The following EIPR1 variants were observed in gnomAD, a reference collection of about 807,000 sequenced individuals.
EIPR1 encodes EARP and GARP complex-interacting protein 1.
A neutral mutation model predicts 48.1 loss-of-function variants in EIPR1; 25 were observed. The observed-to-expected ratio is 0.52, with a 90% CI of 0.38 to 0.73. EIPR1 has a LOEUF of 0.73. Among genes scored for constraint, EIPR1 ranks in the 30% least tolerant of loss-of-function variants. The pLI, the probability that EIPR1 is intolerant of heterozygous loss-of-function variation, is 0.00. For synonymous variants in EIPR1, 204 were observed against 201.9 expected (o/e 1.01, Z -0.09); for missense variants, 415 against 506.2 (o/e 0.82, Z 1.73).
In EIPR1 at chr2:3,244,197, T is replaced by C. The variant is rs138461811; in HGVS notation, c.416+13102A>G. Among the ~76,000 whole-genome samples, 557 of 152,326 alleles carry C rather than the reference T, an allele frequency of 3.7e-3. 3 individuals are homozygous for C. The highest frequency in any genetic ancestry group is 0.013 in the African/African-American group (529 of 41,578). ...TCTCAGCAAGTCCAAAGATAGCCTC[T>C]GAATCATAACACATTTCTAGGTAAA... is the stretch of plus-strand genomic sequence containing the variant. On this transcript the variant is annotated intron_variant, in intron 4 of 8. Coordinates refer to ENST00000382125, the MANE Select transcript of EIPR1 (RefSeq NM_003310.5).
intron 3 of EIPR1, among the ~76,000 whole-genome samples, chr2:3,278,103 G>A (rs1431491605): frequency 6.6e-6 from 1 of 152,082 alleles, no homozygotes; most frequent in Non-Finnish European, 1.5e-5. Context: ...ACTTCACCTG[G>A]TCCCACCACC....
At chr2:3,275,706 G>A (rs1667828097) in intron 3 of EIPR1, among the ~76,000 whole-genome samples, 1 of 152,020 alleles carries the variant, frequency 6.6e-6, no homozygotes. Flanking sequence ...TAAAAGATTA[G>A]GAAAAAGTTG....
At chr2:3,235,329 G>C (rs538314409) in intron 4 of EIPR1, among the ~76,000 whole-genome samples, 2 of 152,374 alleles carry the variant, frequency 1.3e-5, no homozygotes, top group South Asian at 4.1e-4. Context: ...TTCATCTGAA[G>C]AATAAGAGCT....
At chr2:3,318,264 T>C (rs976284008) in intron 3 of EIPR1, among the ~76,000 whole-genome samples, 4 of 152,296 alleles carry the variant, frequency 2.6e-5, no homozygotes, top group Non-Finnish European at 4.4e-5. Flanking sequence ...TTAATTCAAA[T>C]TGGGCTTTGT....
chr2:3,244,709 C>G (rs539650990), intron 4 of EIPR1, among the ~76,000 whole-genome samples: 1 of 152,180 alleles, frequency 6.6e-6, no homozygotes, highest in Non-Finnish European at 1.5e-5. Flanking sequence ...GCGCCTTGAT[C>G]GTGGACTTCC....
At chr2:3,220,684 GA>G (rs1224242744) in intron 4 of EIPR1, among the ~76,000 whole-genome samples, 2 of 151,802 alleles carry the variant, frequency 1.3e-5, no homozygotes, top group East Asian at 3.9e-4. Flanking sequence ...AGTGACTCAG[GA>G]ACACAAGCAC....
chr2:3,220,541 T>C (rs541392485), intron 4 of EIPR1, among the ~76,000 whole-genome samples: 4 of 151,938 alleles, frequency 2.6e-5, no homozygotes, highest in African/African-American at 4.8e-5. Context: ...ACAATGACCA[T>C]GGTACACTCT....
chr2:3,207,351 A>G (rs969077430), intron 5 of EIPR1, among the ~76,000 whole-genome samples: 3 of 152,340 alleles, frequency 2.0e-5, no homozygotes, highest in African/African-American at 4.8e-5. Flanking sequence ...CCCCAGCTGC[A>G]GGAGGACTCA....
At position 3,251,029 on chromosome 2, in the gene EIPR1, AAATAT is replaced by A. The variant is rs1436878629; in HGVS notation, c.416+6265_416+6269del. Among the ~76,000 whole-genome samples, 4 of 152,308 alleles carry A rather than the reference AAATAT, an allele frequency of 2.6e-5. No individual in the cohort carries two copies. The East Asian group carries it at 5.8e-4, about 22-fold the overall frequency. ...AGAGGCAGCTAACACACATAAAATA[AAATAT>A]AACAGTGTGAGATATACTGAAAAAT... On this transcript the variant is annotated intron_variant, in intron 4 of 8. Transcript: ENST00000382125.
At chr2:3,303,138 C>T (rs1419426202) in intron 3 of EIPR1, among the ~76,000 whole-genome samples, 1 of 152,198 alleles carries the variant, frequency 6.6e-6, no homozygotes, top group African/African-American at 2.4e-5. Flanking sequence ...ACTTACACAG[C>T]CCAACGTCAC....
intron 5 of EIPR1, among the ~76,000 whole-genome samples, chr2:3,200,950 G>C (rs1475715904): frequency 6.6e-6 from 1 of 152,158 alleles, no homozygotes; most frequent in Admixed American, 6.5e-5. Flanking sequence ...TGGGCACTCC[G>C]CATGGTGACG....
intron 5 of EIPR1, among the ~76,000 whole-genome samples, chr2:3,204,007 C>A (rs532076669): frequency 6.6e-6 from 1 of 152,252 alleles, no homozygotes; most frequent in Non-Finnish European, 1.5e-5. Flanking sequence ...GTTATCCACA[C>A]AAAAGCTGAG....
intron 2 of EIPR1, among the ~76,000 whole-genome samples, chr2:3,351,133 TG>T (rs1263428617): frequency 1.3e-5 from 2 of 151,992 alleles, no homozygotes; most frequent in African/African-American, 2.4e-5. Flanking sequence ...TCCAAGTAGC[TG>T]GGATTACAGG....
chr2:3,269,577 ATCGCACT>A (rs1394687815), intron 3 of EIPR1, among the ~76,000 whole-genome samples: 9 of 78,646 alleles, frequency 1.1e-4, no homozygotes, highest in African/African-American at 5.5e-4. Flanking sequence ...GCACTCAGTC[ATCGCACT>A]CAATCATCGC....
At chr2:3,376,805 C>T (rs554750023) in intron 1 of EIPR1, among the ~76,000 whole-genome samples, 2 of 152,164 alleles carry the variant, frequency 1.3e-5, no homozygotes, top group Non-Finnish European at 2.9e-5. Context: ...CTCTATCTGT[C>T]CCTCAGTGCT....
intron 5 of EIPR1, 147 bp from the exon 6 acceptor site, chr2:3,197,164 T>A: frequency 9.9e-7 from 1 of 1,010,002 alleles, no homozygotes; most frequent in South Asian, 1.9e-5. Flanking sequence ...CTTTGTTTCC[T>A]TTCCTTAAAT....
chr2:3,267,432 C>T (rs531120118), intron 3 of EIPR1, among the ~76,000 whole-genome samples: 9 of 152,352 alleles, frequency 5.9e-5, no homozygotes, highest in South Asian at 2.1e-4. Flanking sequence ...GTTTGGCCTG[C>T]GTCGCAGCAG....
intron 3 of EIPR1, among the ~76,000 whole-genome samples, chr2:3,321,467 T>A (rs1415958392): frequency 2.6e-5 from 4 of 152,174 alleles, no homozygotes; most frequent in Non-Finnish European, 5.9e-5. Flanking sequence ...TCCCCACCTC[T>A]CACGTACTCC....
chr2:3,374,927 A>C (rs1406897412), intron 1 of EIPR1, among the ~76,000 whole-genome samples: 1 of 140,778 alleles, frequency 7.1e-6, no homozygotes, highest in Non-Finnish European at 1.5e-5. Flanking sequence ...AGACACATGC[A>C]CACGTATGTT....
Sources: allele counts gnomAD v4.1 joint callset (sites outside exome capture counted in the v4.1 genomes callset), GRCh38; gene constraint gnomAD v4.1.1; transcripts MANE v1.5; gene names NCBI Gene and HGNC (gene_info 2026-07-23, HGNC 2026-07-21).